ERBB4: variants seen among roughly 807,000 people sequenced by gnomAD.
The protein encoded by ERBB4 is receptor tyrosine-protein kinase erbB-4.
A neutral mutation model predicts 158.0 loss-of-function variants in ERBB4; 42 were observed. The observed-to-expected ratio is 0.27, with a 90% CI of 0.21 to 0.34. The LOEUF (loss-of-function observed/expected upper bound fraction) is 0.34. Among genes scored for constraint, ERBB4 ranks in the 10% least tolerant of loss-of-function variants. The pLI, the probability that ERBB4 is intolerant of heterozygous loss-of-function variation, is 1.00. For synonymous variants in ERBB4, 583 were observed against 558.7 expected (o/e 1.04, Z -0.61); for missense variants, 1,333 against 1,624.1 (o/e 0.82, Z 3.08).
intron 1 of ERBB4, among the ~76,000 whole-genome samples, chr2:212,288,458 A>G (rs545197256): frequency 6.6e-6 from 1 of 152,212 alleles, no homozygotes; most frequent in East Asian, 1.9e-4. Context: ...AGAAGCTCCC[A>G]CAGGCCTGAG....
At chr2:212,317,861 T>C (rs10932436) in intron 1 of ERBB4, among the ~76,000 whole-genome samples, 143,393 of 151,550 alleles carry the variant, frequency 0.95, 68,043 homozygotes, top group African/African-American at 0.99. Context: ...TAAATTAACC[T>C]ATGGAAAAAG....
chr2:211,907,516 T>G (rs2125047441), intron 3 of ERBB4, among the ~76,000 whole-genome samples: 1 of 151,702 alleles, frequency 6.6e-6, no homozygotes, highest in African/African-American at 2.4e-5. Context: ...AAAGTGATTA[T>G]TTGTCTTGGA....
At chr2:211,902,214 G>A (rs377222556) in intron 3 of ERBB4, among the ~76,000 whole-genome samples, 5 of 151,774 alleles carry the variant, frequency 3.3e-5, no homozygotes, top group East Asian at 1.9e-4. Flanking sequence ...ACTATTTTGC[G>A]AAAAAACAAA....
intron 12 of ERBB4, among the ~76,000 whole-genome samples, chr2:211,701,736 A>G (rs979581682): frequency 7.0e-5 from 10 of 141,886 alleles, no homozygotes; most frequent in Non-Finnish European, 1.2e-4. Context: ...AGCCTGGGGC[A>G]ACAGAGCGAG....
chr2:211,614,098 A>G (rs2069297143), intron 19 of ERBB4, among the ~76,000 whole-genome samples: 1 of 152,076 alleles, frequency 6.6e-6, no homozygotes, highest in South Asian at 2.1e-4. Flanking sequence ...GTAAAAAAAG[A>G]ATGCAATCAA....
chr2:211,945,796 A>T (rs867336200), intron 3 of ERBB4, among the ~76,000 whole-genome samples: 1 of 152,194 alleles, frequency 6.6e-6, no homozygotes. Context: ...TTTAAAGACT[A>T]ATTCTCTATG....
chr2:211,449,807 A>C (rs935755823), intron 20 of ERBB4, among the ~76,000 whole-genome samples: 10 of 152,206 alleles, frequency 6.6e-5, no homozygotes, highest in African/African-American at 2.4e-4. Flanking sequence ...ACAGGCCTGG[A>C]TATAAGTGTA....
At chr2:212,018,101 C>T (rs2076568112) in intron 2 of ERBB4, among the ~76,000 whole-genome samples, 2 of 152,060 alleles carry the variant, frequency 1.3e-5, no homozygotes, top group Admixed American at 1.3e-4. Flanking sequence ...GCCCTGGGAA[C>T]ACTTTTAGGT....
chr2:211,709,632 C>T (rs1232553747), intron 9 of ERBB4, among the ~76,000 whole-genome samples: 1 of 152,016 alleles, frequency 6.6e-6, no homozygotes, highest in Non-Finnish European at 1.5e-5. Context: ...GCAGTTATCA[C>T]AAGGTTGTTA....
chr2:211,883,198 C>CA (rs1287447045), intron 3 of ERBB4, among the ~76,000 whole-genome samples: 4 of 151,966 alleles, frequency 2.6e-5, no homozygotes, highest in Admixed American at 6.6e-5. Context: ...ATCGCAAGGA[C>CA]AAAAAACCAA....
chr2:211,693,914 C>A (rs1167036294), intron 12 of ERBB4, among the ~76,000 whole-genome samples: 3 of 152,108 alleles, frequency 2.0e-5, no homozygotes, highest in Non-Finnish European at 4.4e-5. Context: ...CTGGGCTCAC[C>A]TCTATATCAT....
intron 3 of ERBB4, among the ~76,000 whole-genome samples, chr2:211,841,399 T>C (rs1295329178): frequency 1.3e-5 from 2 of 152,040 alleles, no homozygotes; most frequent in African/African-American, 2.4e-5. Context: ...TTCTGAAATA[T>C]TGTGCCTGAC....
intron 18 of ERBB4, among the ~76,000 whole-genome samples, chr2:211,623,017 A>G (rs2069684698): frequency 1.1e-5 from 1 of 93,486 alleles, no homozygotes; most frequent in South Asian, 3.5e-4. Context: ...ATATATATAT[A>G]TATATATATA....
chr2:212,371,113 AT>A (rs1449800017), intron 1 of ERBB4, among the ~76,000 whole-genome samples: 1 of 152,064 alleles, frequency 6.6e-6, no homozygotes, highest in African/African-American at 2.4e-5. Context: ...CATCCTCCAG[AT>A]TTTTACTGCC....
intron 1 of ERBB4, among the ~76,000 whole-genome samples, chr2:212,367,204 A>G (rs1336433855): frequency 1.3e-5 from 2 of 152,072 alleles, no homozygotes; most frequent in Non-Finnish European, 1.5e-5. Flanking sequence ...CAGCATCTTG[A>G]TCTTTGACTC....
intron 25 of ERBB4, among the ~76,000 whole-genome samples, chr2:211,413,312 ACACACACAC>A (rs2063307842): frequency 6.7e-5 from 6 of 89,846 alleles, no homozygotes; most frequent in Non-Finnish European, 8.0e-5. Context: ...TCTTAAAAAC[ACACACACAC>A]ACACACACAC....
chr2:211,446,932 A>G (rs2064125765), intron 20 of ERBB4, among the ~76,000 whole-genome samples: 1 of 152,096 alleles, frequency 6.6e-6, no homozygotes, highest in Admixed American at 6.6e-5. Context: ...AGAGGTGAAG[A>G]TTTTTTCCAC....
chr2:211,863,934 C>A (rs1186451405), intron 3 of ERBB4, among the ~76,000 whole-genome samples: 1 of 152,022 alleles, frequency 6.6e-6, no homozygotes, highest in East Asian at 1.9e-4. Flanking sequence ...TTTTCTTGAC[C>A]CTCTGCTTCA....
At chr2:211,944,162 C>CACTATATATAT (rs2080591309) in intron 3 of ERBB4, among the ~76,000 whole-genome samples, 1 of 70,300 alleles carries the variant, frequency 1.4e-5, no homozygotes, top group Admixed American at 1.9e-4. Flanking sequence ...TATATATATA[C>CACTATATATAT]ACTATATATA....
Sources: allele counts gnomAD v4.1 joint callset (sites outside exome capture counted in the v4.1 genomes callset), GRCh38; gene constraint gnomAD v4.1.1; transcripts MANE v1.5; gene names NCBI Gene and HGNC (gene_info 2026-07-23, HGNC 2026-07-21).